GLIPR1L2: variants seen among roughly 807,000 people sequenced by gnomAD.
GLIPR1L2 encodes GLIPR1 like 2, also known as GLIPR1-like protein 2.
GLIPR1L2 carries 21 observed loss-of-function variants against 28.4 expected under a neutral mutation model. The observed-to-expected ratio is 0.74, with a 90% CI of 0.52 to 1.06. The LOEUF (loss-of-function observed/expected upper bound fraction) is 1.06, where lower values mean the gene tolerates loss of function less well. Among genes scored for constraint, GLIPR1L2 ranks in the 50% least tolerant of loss-of-function variants. The pLI, the probability that GLIPR1L2 is intolerant of heterozygous loss-of-function variation, is 0.00. For synonymous variants in GLIPR1L2, 145 were observed against 139.3 expected (o/e 1.04, Z -0.29); for missense variants, 476 against 416.9 (o/e 1.14, Z -1.23).
At position 75,431,374 on chromosome 12, in the gene GLIPR1L2, G is replaced by A. The variant is rs1311998091; in HGVS notation, c.*213G>A. On this transcript the variant is annotated 3_prime_UTR_variant, in exon 6 of 6. Coordinates refer to ENST00000550916, the MANE Select transcript of GLIPR1L2 (RefSeq NM_001270396.2). ...AAGAAACAAAAAACATGTAAGGTGGGCTCTTTGACACTAAGAACAGATAAA... is the reference window on the plus strand; with the variant it reads ...AAGAAACAAAAAACATGTAAGGTGGACTCTTTGACACTAAGAACAGATAAA... The A allele has an allele frequency of 4.5e-6, 2 of 440,884 alleles. No homozygotes were observed. The highest frequency in any genetic ancestry group is 4.0e-6 in the Non-Finnish European group (1 of 251,632). The allele number at this position is 440,884 out of a possible 1,614,324, so 27.3% of individuals were successfully genotyped here.
intron 1 of GLIPR1L2, among the ~76,000 whole-genome samples, chr12:75,400,411 C>T (rs943698446): frequency 2.6e-5 from 4 of 152,170 alleles, no homozygotes; most frequent in African/African-American, 7.2e-5. Context: ...CGTGAGCCAC[C>T]GTGCCCGGCC....
chr12:75,404,649 AT>A (rs2045777132), intron 1 of GLIPR1L2, among the ~76,000 whole-genome samples: 1 of 152,128 alleles, frequency 6.6e-6, no homozygotes, highest in African/African-American at 2.4e-5. Flanking sequence ...CTTGATATCT[AT>A]TACTTTATAT....
In GLIPR1L2 at chr12:75,391,267, G is replaced by A. The variant is rs146467128; in HGVS notation, c.151G>A (p.Val51Ile). 3.0e-3 allele frequency: 4,775 copies of A among 1,614,226 alleles called. 16 individuals are homozygous for A. Among genetic ancestry groups the A allele is most frequent in the Middle Eastern group, 4.6e-3 (28 of 6,062 alleles). The change falls in exon 1 of 6, where the codon GTA becomes ATA. Residue 51 changes from valine to isoleucine, a missense_variant. Coordinates refer to ENST00000550916, the MANE Select transcript of GLIPR1L2 (RefSeq NM_001270396.2). The part of the protein sequence containing the change: ...NARFLPDEED[V>I]DFINEYVNLH... The stretch of plus-strand genomic sequence containing the variant: ...CAGATTTTTGCCAGACGAGGAGGAC[G>A]TAGACTTTATCAACGAGTACGTGAA...
intron 2 of GLIPR1L2, among the ~76,000 whole-genome samples, chr12:75,411,857 C>G (rs115017148): frequency 1.5e-3 from 224 of 151,954 alleles, no homozygotes; most frequent in African/African-American, 5.1e-3. Flanking sequence ...GTTAACAAAA[C>G]AAAACAGTAC....
At chr12:75,425,884 C>G (rs1377382947) in intron 4 of GLIPR1L2, among the ~76,000 whole-genome samples, 2 of 151,956 alleles carry the variant, frequency 1.3e-5, no homozygotes, top group East Asian at 3.9e-4. Flanking sequence ...AAGCATGAAT[C>G]TTATGGTGGT....
intron 1 of GLIPR1L2, among the ~76,000 whole-genome samples, chr12:75,404,208 C>G (rs540556675): frequency 6.6e-6 from 1 of 152,118 alleles, no homozygotes; most frequent in South Asian, 2.1e-4. Context: ...ATGTCTCTCT[C>G]TGTGTGTGTA....
At chr12:75,409,970 AAT>A (rs1192823221) in intron 1 of GLIPR1L2, among the ~76,000 whole-genome samples, 1 of 150,814 alleles carries the variant, frequency 6.6e-6, no homozygotes, top group Non-Finnish European at 1.5e-5. Context: ...ACATAATTCT[AAT>A]AAAGCAATGT....
chr12:75,426,777 C>T (rs1416523907), intron 4 of GLIPR1L2, among the ~76,000 whole-genome samples: 1 of 152,156 alleles, frequency 6.6e-6, no homozygotes, highest in Non-Finnish European at 1.5e-5. Context: ...TGCCTATATA[C>T]CCTTAATATA....
At chr12:75,407,162 T>G (rs2045811743) in intron 1 of GLIPR1L2, among the ~76,000 whole-genome samples, 1 of 152,118 alleles carries the variant, frequency 6.6e-6, no homozygotes, top group Admixed American at 6.6e-5. Context: ...CCCCTCATCC[T>G]ACTCCATGGC....
At chr12:75,395,650 T>G (rs957236188) in intron 1 of GLIPR1L2, among the ~76,000 whole-genome samples, 11 of 151,524 alleles carry the variant, frequency 7.3e-5, no homozygotes, top group Non-Finnish European at 1.5e-4. Context: ...ATTATTATTT[T>G]ATTATTTTTA....
At chr12:75,409,731 TA>T (rs1328625487) in intron 1 of GLIPR1L2, among the ~76,000 whole-genome samples, 1 of 146,216 alleles carries the variant, frequency 6.8e-6, no homozygotes, top group East Asian at 2.0e-4. Flanking sequence ...TCTAATCCGA[TA>T]TATATAAGAT....
intron 1 of GLIPR1L2, among the ~76,000 whole-genome samples, chr12:75,406,992 C>G (rs753563365): frequency 1.3e-5 from 2 of 152,150 alleles, no homozygotes; most frequent in Non-Finnish European, 2.9e-5. Context: ...TCTGATTACT[C>G]TGAATATCAT....
chr12:75,423,406 A>G (rs1050786656), intron 4 of GLIPR1L2: 1 of 966,562 alleles, frequency 1.0e-6, no homozygotes, highest in Non-Finnish European at 1.2e-6. Context: ...ATCTCCAAAT[A>G]TTTCAAAAGT....
intron 3 of GLIPR1L2, among the ~76,000 whole-genome samples, chr12:75,417,351 A>T (rs2045933137): frequency 6.6e-6 from 1 of 152,116 alleles, no homozygotes; most frequent in Non-Finnish European, 1.5e-5. Context: ...CAAGGAACAG[A>T]TTCTTAAGAG....
At chr12:75,415,931 TTATAA>T (rs57158030) in intron 3 of GLIPR1L2, among the ~76,000 whole-genome samples, 2,815 of 152,206 alleles carry the variant, frequency 0.018, 72 homozygotes, top group African/African-American at 0.064. Flanking sequence ...CAGTGGTGCC[TTATAA>T]TATAATTATG....
At chr12:75,407,751 G>A (rs1019267440) in intron 1 of GLIPR1L2, among the ~76,000 whole-genome samples, 2 of 152,100 alleles carry the variant, frequency 1.3e-5, no homozygotes, top group East Asian at 3.9e-4. Flanking sequence ...TTTCCCTGTG[G>A]ATAAGACCTA....
chr12:75,428,339 G>A (rs2046054813), intron 4 of GLIPR1L2, among the ~76,000 whole-genome samples: 1 of 152,028 alleles, frequency 6.6e-6, no homozygotes, highest in Admixed American at 6.6e-5. Context: ...GATGATTTAG[G>A]GTATCTGGCA....
At chr12:75,422,137 C>T (rs945262972) in intron 3 of GLIPR1L2, among the ~76,000 whole-genome samples, 10 of 151,342 alleles carry the variant, frequency 6.6e-5, no homozygotes, top group East Asian at 1.9e-4. Flanking sequence ...ACTACAGGCA[C>T]GCACCATGCC....
chr12:75,430,694 G>A lies in GLIPR1L2; in HGVS notation c.671-21G>A, dbSNP rs1240673646. 1.8e-5 allele frequency: 27 copies of A among 1,524,954 alleles called. No homozygotes were observed. The Admixed American group carries it at 5.5e-4, about 31-fold the overall frequency. The allele number at this position is 1,524,954 out of a possible 1,614,324, so 94.5% of individuals were successfully genotyped here. A position where few individuals can be genotyped will look rare whatever the true frequency, so the allele number is the denominator to read the frequency against. On this transcript the variant is annotated intron_variant, in intron 4 of 5. Coordinates refer to ENST00000550916, the MANE Select transcript of GLIPR1L2 (RefSeq NM_001270396.2). ...AGAAGAAATTTTATGTAATTTTTGT[G>A]GACTTTCTTTTTCTTTCTAGGTAAT...
Sources: allele counts gnomAD v4.1 joint callset (sites outside exome capture counted in the v4.1 genomes callset), GRCh38; gene constraint gnomAD v4.1.1; transcripts MANE v1.5; gene names NCBI Gene and HGNC (gene_info 2026-07-23, HGNC 2026-07-21).